Variants in DCP1B observed in about 807,000 individuals in gnomAD.
DCP1B encodes the protein mRNA-decapping enzyme 1B.
In DCP1B, 47 loss-of-function variants were observed where a neutral mutation model predicts 60.5. The observed-to-expected ratio is 0.78, with a 90% CI of 0.61 to 0.99. The LOEUF (loss-of-function observed/expected upper bound fraction) is 0.99. DCP1B is among the 50% of genes least tolerant of loss of function. The probability of loss-of-function intolerance (pLI) is 0.00; values close to 1 mark genes in which losing one functional copy is unlikely to be tolerated. For missense variants in DCP1B, 725 were observed against 756.8 expected (o/e 0.96, Z 0.49); for synonymous variants, 267 against 280.3 (o/e 0.95, Z 0.47).
chr12:1,968,036 A>T, intron 3 of DCP1B, 126 bp from the exon 4 acceptor site: 1 of 802,572 alleles, frequency 1.2e-6, no homozygotes, highest in Non-Finnish European at 1.9e-6. Context: ...TAATTATTGA[A>T]TAAATAAAAG....
At position 1,970,995 on chromosome 12, in the gene DCP1B, G is replaced by A. The variant is rs1256741229; in HGVS notation, c.320-3085C>T. On this transcript the variant is annotated intron_variant, in intron 3 of 8. Coordinates refer to ENST00000280665, the MANE Select transcript of DCP1B (RefSeq NM_152640.5). ...GCTTCTGGGTTTTAAAAAATTATAAGAGATCATGAGCAGGATAATTATTTA... is the reference window on the plus strand; with the variant it reads ...GCTTCTGGGTTTTAAAAAATTATAAAAGATCATGAGCAGGATAATTATTTA... The A allele has an allele frequency of 6.8e-6, 7 of 1,036,388 alleles. No individual in the cohort carries two copies. In the Admixed American group the frequency reaches 1.3e-4, roughly 19 times the overall value. 64.2% of individuals were successfully genotyped at this position (1,036,388 alleles called of 1,614,324 possible).
At chr12:1,958,522 G>A (rs545500903) in intron 5 of DCP1B, among the ~76,000 whole-genome samples, 1 of 143,106 alleles carries the variant, frequency 7.0e-6, no homozygotes, top group African/African-American at 2.6e-5. Context: ...GCTCCCTAAC[G>A]TCGCTCTGCG....
chr12:1,959,124 C>A (rs1167734300), intron 5 of DCP1B, among the ~76,000 whole-genome samples: 1 of 152,050 alleles, frequency 6.6e-6, no homozygotes, highest in South Asian at 2.1e-4. Flanking sequence ...TGGGCAATGA[C>A]TTTTTCTATA....
intron 3 of DCP1B, among the ~76,000 whole-genome samples, chr12:1,988,820 G>C (rs2154472348): frequency 6.6e-6 from 1 of 152,230 alleles, no homozygotes; most frequent in Non-Finnish European, 1.5e-5. Flanking sequence ...ATTTATAGCA[G>C]TTTTTCCCAG....
chr12:2,001,898 C>G (rs1593434575), intron 1 of DCP1B, among the ~76,000 whole-genome samples: 1 of 152,154 alleles, frequency 6.6e-6, no homozygotes, highest in African/African-American at 2.4e-5. Context: ...CCAAATGTCA[C>G]CTGGGGGCAA....
At chr12:1,952,365 A>G in intron 7 of DCP1B, 51 bp downstream of exon 7, 6 of 1,454,680 alleles carry the variant, frequency 4.1e-6, no homozygotes, top group Non-Finnish European at 3.6e-6. Context: ...TAGGGACAGG[A>G]TCTTGCTATG....
At chr12:1,955,598 G>T (rs1252467905) in intron 5 of DCP1B, 38 bp from the exon 6 acceptor site, 1 of 1,590,436 alleles carries the variant, frequency 6.3e-7, no homozygotes, top group Non-Finnish European at 8.6e-7. Flanking sequence ...TTTTGGCTTA[G>T]AAAAGCTTTA....
chr12:1,961,267 G>A (rs1019550001), intron 5 of DCP1B: 2 of 152,146 alleles, frequency 1.3e-5, no homozygotes, highest in African/African-American at 4.8e-5. Context: ...AACAAACTGA[G>A]GCCGTCTTAG....
chr12:1,958,048 A>G (rs926709159), intron 5 of DCP1B, among the ~76,000 whole-genome samples: 1 of 150,922 alleles, frequency 6.6e-6, no homozygotes, highest in Non-Finnish European at 1.5e-5. Flanking sequence ...GGAAGGAAAC[A>G]GGGGAAAAGC....
chr12:1,984,512 C>A (rs2037074473), intron 3 of DCP1B, among the ~76,000 whole-genome samples: 1 of 151,944 alleles, frequency 6.6e-6, no homozygotes, highest in Non-Finnish European at 1.5e-5. Context: ...GGTCCATTTA[C>A]CCTCTCTTTT....
chr12:1,980,265 G>C (rs1442910289), intron 3 of DCP1B, among the ~76,000 whole-genome samples: 1 of 152,190 alleles, frequency 6.6e-6, no homozygotes, highest in African/African-American at 2.4e-5. Context: ...TGATGCAGTG[G>C]AGTACTACAC....
At chr12:1,949,362 C>A in intron 7 of DCP1B, 28 bp from the exon 8 acceptor site, 1 of 1,607,446 alleles carries the variant, frequency 6.2e-7, no homozygotes, top group Non-Finnish European at 8.5e-7. Flanking sequence ...ACACAGAGAG[C>A]GGGGTTCAGG....
downstream of DCP1B, among the ~76,000 whole-genome samples, chr12:1,943,507 T>C (rs1257696925): frequency 4.6e-5 from 7 of 152,218 alleles, no homozygotes; most frequent in African/African-American, 1.7e-4. Flanking sequence ...TTCAGGTCAA[T>C]ATCCCTGATG....
At chr12:1,995,299 A>G (rs2040530258) in intron 2 of DCP1B, among the ~76,000 whole-genome samples, 1 of 152,232 alleles carries the variant, frequency 6.6e-6, no homozygotes, top group Non-Finnish European at 1.5e-5. Context: ...CCAAAGAATC[A>G]TAATGCGTGT....
chr12:1,961,342 A>G (rs1287191032), intron 5 of DCP1B: 1 of 152,258 alleles, frequency 6.6e-6, no homozygotes, highest in Non-Finnish European at 1.5e-5. Context: ...AACGGAGACT[A>G]GGAAAGTAGC....
chr12:1,984,132 T>C (rs1176098437), intron 3 of DCP1B, among the ~76,000 whole-genome samples: 1 of 152,122 alleles, frequency 6.6e-6, no homozygotes, highest in East Asian at 1.9e-4. Context: ...ACATTTAAAA[T>C]GGGTTTTGTG....
At chr12:1,943,256 G>A (rs1023868132), downstream of DCP1B, among the ~76,000 whole-genome samples, 4 of 152,148 alleles carry the variant, frequency 2.6e-5, no homozygotes, top group Non-Finnish European at 5.9e-5. Context: ...GGAAGAAGTC[G>A]AAGCCCTGAA....
intron 2 of DCP1B, among the ~76,000 whole-genome samples, chr12:1,994,569 G>A (rs1328651880): frequency 2.0e-5 from 3 of 152,200 alleles, no homozygotes; most frequent in South Asian, 4.1e-4. Flanking sequence ...GAATGAAAAT[G>A]TACTCCCAAA....
intron 5 of DCP1B, among the ~76,000 whole-genome samples, chr12:1,963,352 G>A (rs1301111534): frequency 6.6e-6 from 1 of 152,186 alleles, no homozygotes; most frequent in East Asian, 1.9e-4. Context: ...TTCTCTGGTA[G>A]AGAACAGCTC....
Sources: gnomAD v4.1 joint callset for allele counts (sites outside exome capture counted in the v4.1 genomes callset) on GRCh38, gnomAD v4.1.1 for gene constraint, MANE v1.5 for transcripts, NCBI Gene and HGNC (gene_info 2026-07-23, HGNC 2026-07-21) for gene names.